Variants in CSMD1 observed in about 807,000 individuals in gnomAD.
The protein encoded by CSMD1 is CUB and Sushi multiple domains 1.
CSMD1 carries 213 observed loss-of-function variants against 417.5 expected under a neutral mutation model. That is an observed-to-expected ratio of 0.51 (90% CI 0.46 to 0.57). The LOEUF (loss-of-function observed/expected upper bound fraction) is 0.57. Ranked by LOEUF, CSMD1 falls within the 20% of genes least tolerant of loss-of-function variation. The pLI, the probability that CSMD1 is intolerant of heterozygous loss-of-function variation, is 0.00. For missense variants in CSMD1, 6,923 were observed against 4,529.7 expected, an observed-to-expected ratio of 1.53 and a Z score of -15.17; for synonymous variants, 2,862 against 1,736.8, an observed-to-expected ratio of 1.65 and a Z score of -16.11.
chr8:4,013,585 A>G (rs371478923), intron 4 of CSMD1, among the ~76,000 whole-genome samples: 1 of 152,180 alleles, frequency 6.6e-6, no homozygotes, highest in African/African-American at 2.4e-5. Context: ...ACTTATTTCA[A>G]CAGGACAGCA....
At chr8:2,996,014 T>C (rs974676108) in intron 54 of CSMD1, among the ~76,000 whole-genome samples, 2 of 152,128 alleles carry the variant, frequency 1.3e-5, no homozygotes, top group African/African-American at 4.8e-5. Flanking sequence ...TAATACCCTC[T>C]AAGTTTGCAA....
chr8:4,323,344 G>C (rs558800502), intron 3 of CSMD1, among the ~76,000 whole-genome samples: 1 of 152,250 alleles, frequency 6.6e-6, no homozygotes, highest in South Asian at 2.1e-4. Context: ...TTCATGAAAA[G>C]TGAGAAATAT....
chr8:3,288,792 T>C (rs977426737), intron 25 of CSMD1, among the ~76,000 whole-genome samples: 1 of 147,328 alleles, frequency 6.8e-6, no homozygotes, highest in Non-Finnish European at 1.5e-5. Flanking sequence ...TTCTCTTTTT[T>C]ATATAGACTA....
At chr8:3,013,428 C>A (rs35153746) in intron 52 of CSMD1, among the ~76,000 whole-genome samples, 1 of 152,136 alleles carries the variant, frequency 6.6e-6, no homozygotes, top group East Asian at 1.9e-4. Context: ...TGAATGACTA[C>A]TTTACTTTTC....
rs546231032 is a variant in CSMD1 at position 3,575,025 on chromosome 8, T to C, written c.1264A>G (p.Ile422Val). ...GSNLRGPSGV[I>V]TSPNYPVQYE... is the part of the protein sequence containing the mutation. ...TGAACCGGATAATTAGGGGAGGTAA[T>C]GACGCCGCTGGGCCCACGCAGATTG... The change falls in exon 10 of 70, where the codon ATT becomes GTT. Residue 422 changes from isoleucine to valine, a missense_variant. Physicochemically the swap from Ile to Val is conservative, Grantham distance 29. Coordinates refer to ENST00000635120, the MANE Select transcript of CSMD1 (RefSeq NM_033225.6). 6.2e-7 allele frequency: 1 copy of C among 1,613,532 alleles called. No individual in the cohort carries two copies. The highest frequency in any genetic ancestry group is 1.7e-5 in the Admixed American group (1 of 60,016).
At chr8:4,308,069 C>G (rs1030865459) in intron 3 of CSMD1, among the ~76,000 whole-genome samples, 1 of 152,136 alleles carries the variant, frequency 6.6e-6, no homozygotes, top group Non-Finnish European at 1.5e-5. Context: ...CTCAGTTACA[C>G]ACTTTGGTCT....
At chr8:4,500,693 G>C (rs1802216514) in intron 2 of CSMD1, among the ~76,000 whole-genome samples, 1 of 152,054 alleles carries the variant, frequency 6.6e-6, no homozygotes, top group Non-Finnish European at 1.5e-5. Context: ...GAGTGGTGGA[G>C]GTTTTCCTCT....
chr8:3,558,789 A>G (rs1485592904), intron 10 of CSMD1, among the ~76,000 whole-genome samples: 12 of 150,828 alleles, frequency 8.0e-5, no homozygotes, highest in Non-Finnish European at 1.0e-4. Context: ...CACTCCTCCA[A>G]TGATGAATGG....
At chr8:4,975,205 T>C (rs916727866) in intron 1 of CSMD1, among the ~76,000 whole-genome samples, 2 of 152,212 alleles carry the variant, frequency 1.3e-5, no homozygotes, top group Admixed American at 6.5e-5. Context: ...GTGACTTTTC[T>C]TTCCAAAGTT....
In CSMD1 at chr8:3,305,354, T is replaced by C. The variant is rs1222182843; in HGVS notation, c.3950+2341A>G. ...AGTTATTATAAAATAGTATGTGCTA[T>C]GGTTTTACTGTCTCCACCAAAACTC... is the stretch of plus-strand genomic sequence containing the variant. On this transcript the variant is annotated intron_variant, in intron 25 of 69. Transcript: ENST00000635120. Among the ~76,000 whole-genome samples, 3 of 152,252 alleles carry C rather than the reference T, an allele frequency of 2.0e-5. 1 individual carries two copies. The highest frequency in any genetic ancestry group is 4.4e-5 in the Non-Finnish European group (3 of 68,048).
At chr8:4,462,289 A>G (rs1563201806) in intron 2 of CSMD1, among the ~76,000 whole-genome samples, 2 of 152,344 alleles carry the variant, frequency 1.3e-5, no homozygotes, top group Middle Eastern at 6.8e-3. Context: ...GAATAAATTT[A>G]ACAAAATAAG....
At chr8:3,548,316 G>C (rs536143481) in intron 10 of CSMD1, among the ~76,000 whole-genome samples, 1 of 152,066 alleles carries the variant, frequency 6.6e-6, no homozygotes, top group East Asian at 1.9e-4. Flanking sequence ...ATTTCCATAG[G>C]TAATTGGGGA....
At chr8:4,715,757 G>A (rs772715405) in intron 1 of CSMD1, among the ~76,000 whole-genome samples, 3 of 151,902 alleles carry the variant, frequency 2.0e-5, no homozygotes, top group Non-Finnish European at 4.4e-5. Context: ...TATCCAACTT[G>A]TCAGCAAATT....
chr8:4,448,252 A>G (rs1798932938), intron 2 of CSMD1, among the ~76,000 whole-genome samples: 1 of 152,214 alleles, frequency 6.6e-6, no homozygotes, highest in African/African-American at 2.4e-5. Flanking sequence ...TCAAAAGCCC[A>G]TTTAGCAAAG....
intron 3 of CSMD1, among the ~76,000 whole-genome samples, chr8:4,335,264 C>G (rs562410039): frequency 2.0e-5 from 3 of 152,188 alleles, no homozygotes; most frequent in Admixed American, 6.5e-5. Context: ...TATGACCTAA[C>G]CACCTCCCAA....
At chr8:3,499,152 CTT>C (rs1295061326) in intron 10 of CSMD1, among the ~76,000 whole-genome samples, 5 of 152,116 alleles carry the variant, frequency 3.3e-5, no homozygotes, top group African/African-American at 1.2e-4. Context: ...TAGGAAAAAA[CTT>C]TTTCCTGTAG....
intron 22 of CSMD1, 60 bp downstream of exon 22, chr8:3,347,932 G>GTAGA: frequency 8.4e-7 from 1 of 1,186,922 alleles, no homozygotes; most frequent in Admixed American, 2.9e-5. Flanking sequence ...AAAATAGATA[G>GTAGA]ACAATGTATT....
intron 3 of CSMD1, among the ~76,000 whole-genome samples, chr8:4,234,300 G>A (rs1454812654): frequency 6.6e-6 from 1 of 152,166 alleles, no homozygotes; most frequent in Non-Finnish European, 1.5e-5. Flanking sequence ...CCCATCCATA[G>A]AGCTGGCGAT....
At chr8:3,382,216 G>A (rs187928081) in intron 18 of CSMD1, among the ~76,000 whole-genome samples, 2 of 151,790 alleles carry the variant, frequency 1.3e-5, no homozygotes, top group East Asian at 1.9e-4. Flanking sequence ...CCGAGATCCT[G>A]TCACTGTGCT....
Sources: allele counts gnomAD v4.1 joint callset (sites outside exome capture counted in the v4.1 genomes callset), GRCh38; gene constraint gnomAD v4.1.1; transcripts MANE v1.5; gene names NCBI Gene and HGNC (gene_info 2026-07-23, HGNC 2026-07-21).